SKOR2: variants seen among roughly 807,000 people sequenced by gnomAD.
SKOR2 encodes the protein LBX1 corepressor 1-like protein.
Under a neutral mutation model 69.1 loss-of-function variants are expected in SKOR2, and 47 were observed. The observed-to-expected ratio is 0.68, with a 90% CI of 0.54 to 0.87. The LOEUF is 0.87. SKOR2 is among the 40% of genes least tolerant of loss of function. The probability of loss-of-function intolerance (pLI) is 0.00; values close to 1 mark genes in which losing one functional copy is unlikely to be tolerated. For synonymous variants in SKOR2, 717 were observed against 672.6 expected, an observed-to-expected ratio of 1.07 and a Z score of -1.02; for missense variants, 1,404 against 1,472.2, an observed-to-expected ratio of 0.95 and a Z score of 0.76.
chr18:47,219,181 T>C (rs1440472653), intron 7 of SKOR2, among the ~76,000 whole-genome samples: 1 of 152,220 alleles, frequency 6.6e-6, no homozygotes, highest in African/African-American at 2.4e-5. Flanking sequence ...AGGATCAATA[T>C]GTGTTTTTAT....
At chr18:47,220,108 C>A in intron 6 of SKOR2, 98 bp from the exon 7 acceptor site, 2 of 979,900 alleles carry the variant, frequency 2.0e-6, no homozygotes, top group South Asian at 1.6e-5. Context: ...TGGACAGCCC[C>A]CCTACTTTTA....
intron 8 of SKOR2, among the ~76,000 whole-genome samples, chr18:47,209,728 G>T (rs946491987): frequency 6.6e-5 from 10 of 152,126 alleles, no homozygotes; most frequent in Non-Finnish European, 1.2e-4. Context: ...ATGGGCTCAG[G>T]TCTGACAAAC....
At chr18:47,210,650 C>T (rs2064125117) in intron 8 of SKOR2, among the ~76,000 whole-genome samples, 1 of 152,116 alleles carries the variant, frequency 6.6e-6, no homozygotes, top group Non-Finnish European at 1.5e-5. Context: ...GTCTACTACA[C>T]TGAGAAAGAA....
At chr18:47,220,264 A>G (rs2064157246) in intron 6 of SKOR2, among the ~76,000 whole-genome samples, 2 of 152,082 alleles carry the variant, frequency 1.3e-5, no homozygotes, top group Admixed American at 1.3e-4. Flanking sequence ...CTTGCATATG[A>G]TTACACAGAA....
intron 4 of SKOR2, among the ~76,000 whole-genome samples, chr18:47,234,991 T>C (rs1380761051): frequency 6.6e-6 from 1 of 151,808 alleles, no homozygotes; most frequent in Non-Finnish European, 1.5e-5. Context: ...TCTAAGACTG[T>C]AGAAAAAAAC....
chr18:47,221,852 C>T (rs190903863), intron 6 of SKOR2, among the ~76,000 whole-genome samples: 61 of 152,308 alleles, frequency 4.0e-4, no homozygotes, highest in Non-Finnish European at 6.8e-4. Flanking sequence ...GCCTGGCACA[C>T]GGCAGGGGCT....
chr18:47,231,039 A>T, intron 4 of SKOR2, 39 bp from the exon 5 acceptor site: 3 of 1,534,924 alleles, frequency 2.0e-6, no homozygotes, highest in Non-Finnish European at 2.6e-6. Context: ...AGTTTTGTGT[A>T]GGCTAGTTCT....
At chr18:47,235,797 A>C (rs1203430609) in intron 4 of SKOR2, among the ~76,000 whole-genome samples, 1 of 151,616 alleles carries the variant, frequency 6.6e-6, no homozygotes, top group South Asian at 2.1e-4. Flanking sequence ...AAAAAAAAAA[A>C]AAAACAGCCA....
At position 47,248,636 on chromosome 18, in the gene SKOR2, G is replaced by A; in HGVS notation, c.548C>T (p.Pro183Leu). 1 of 1,558,488 alleles carries A rather than the reference G, an allele frequency of 6.4e-7. No homozygotes were observed. The change falls in exon 2 of 9, where the codon CCC becomes CTC. Residue 183 changes from proline (P) to leucine (L), a missense_variant. By Grantham distance (98) the Pro-to-Leu change is moderately conservative (BLOSUM62 -3). Coordinates refer to ENST00000425639, the MANE Select transcript of SKOR2 (RefSeq NM_001278063.4). The surrounding 1 kb of genome is among the most constrained non-coding windows in gnomAD (Gnocchi z 6.4). ...GTGGGAGTGGAAAATGAACTTGTTGGGCGAGAAGTACATGTTGCAGTAGCT... is the reference window on the plus strand; with the variant it reads ...GTGGGAGTGGAAAATGAACTTGTTGAGCGAGAAGTACATGTTGCAGTAGCT... ...KCSYCNMYFS[P>L]NKFIFHSHRT...
intron 4 of SKOR2, among the ~76,000 whole-genome samples, chr18:47,238,210 A>T (rs1327324759): frequency 1.3e-5 from 2 of 152,156 alleles, no homozygotes; most frequent in African/African-American, 4.8e-5. Context: ...TTTTTAATAG[A>T]AGGAAAATGT....
At chr18:47,212,053 G>A in intron 8 of SKOR2, 33 bp downstream of exon 8, 3 of 1,230,806 alleles carry the variant, frequency 2.4e-6, no homozygotes, top group East Asian at 3.2e-5. Flanking sequence ...AATACAGAGA[G>A]TTAAGAAAAT....
chr18:47,234,670 G>C (rs1034795958), intron 4 of SKOR2: 4 of 152,020 alleles, frequency 2.6e-5, no homozygotes, highest in Non-Finnish European at 4.4e-5. Flanking sequence ...AGACCAGCCT[G>C]GCCAACATGG....
Position 47,234,995 on chromosome 18 carries a change from A to G in SKOR2, c.2753-3995T>C, listed in dbSNP as rs182891285. Among the ~76,000 whole-genome samples, 46 of 152,286 alleles carry G rather than the reference A, an allele frequency of 3.0e-4. No individual in the cohort carries two copies. The East Asian group carries it at 8.5e-3, about 28-fold the overall frequency. On this transcript the variant is annotated intron_variant, in intron 4 of 8. Transcript: ENST00000425639. ...CCTCAAACATATCTAAGACTGTAGAAAAAAACTGGTTTGAAGTTGGAGAGT... is the reference window on the plus strand; with the variant it reads ...CCTCAAACATATCTAAGACTGTAGAGAAAAACTGGTTTGAAGTTGGAGAGT...
chr18:47,221,014 C>A lies in SKOR2; in HGVS notation c.2918-1004G>T, dbSNP rs944761497. On this transcript the variant is annotated intron_variant, in intron 6 of 8. Coordinates refer to ENST00000425639, the MANE Select transcript of SKOR2 (RefSeq NM_001278063.4). ...CATCCCTGAATCATTTTCCGACTGACCACCTGCCACCAGTCCCTTTCTCTC... is the reference window on the plus strand; with the variant it reads ...CATCCCTGAATCATTTTCCGACTGAACACCTGCCACCAGTCCCTTTCTCTC... Among the ~76,000 whole-genome samples the A allele has an allele frequency of 3.9e-5, 6 of 152,276 alleles. No homozygotes were observed. In the East Asian group the frequency reaches 9.6e-4, roughly 24 times the overall value.
Position 47,214,707 on chromosome 18 carries a change from G to A in SKOR2, c.2986-2556C>T, listed in dbSNP as rs567003808. Among the ~76,000 whole-genome samples, 3 of 152,248 alleles carry A rather than the reference G, an allele frequency of 2.0e-5. No homozygotes were observed. The South Asian group carries it at 6.2e-4, about 32-fold the overall frequency. Reference sequence around the variant, plus strand: ...CTTTTACTTTATGATTCATCAAATAGTGGTGCCTCTTACAATTGATGGTGC... The same window carrying A: ...CTTTTACTTTATGATTCATCAAATAATGGTGCCTCTTACAATTGATGGTGC... On this transcript the variant is annotated intron_variant, in intron 7 of 8. Transcript: ENST00000425639.
intron 5 of SKOR2, 140 bp from the exon 6 acceptor site, chr18:47,230,697 T>C: frequency 1.5e-6 from 1 of 655,398 alleles, no homozygotes; most frequent in Non-Finnish European, 2.4e-6. Flanking sequence ...ATAGATTTTG[T>C]GCAGAAATCC....
chr18:47,238,554 C>T (rs2064235578), intron 4 of SKOR2, among the ~76,000 whole-genome samples: 1 of 151,964 alleles, frequency 6.6e-6, no homozygotes, highest in Non-Finnish European at 1.5e-5. Flanking sequence ...AACTCCTGAC[C>T]TCAGGCAATC....
rs2064292381 is a variant in SKOR2, at chr18:47,248,240, T to C, written c.944A>G (p.Asp315Gly). Reference protein sequence around the residue: ...HHKRPRFDDDDDSLQEAAVVA... With the variant: ...HHKRPRFDDDGDSLQEAAVVA... ...TACGGCGGCCTCCTGCAAGGAGTCG[T>C]CGTCGTCGTCGAAGCGCGGCCGCTT... The change falls in exon 2 of 9, where the codon GAC becomes GGC. Residue 315 changes from aspartate to glycine, a missense_variant. Asp to Gly is a moderately conservative substitution (Grantham distance 94). Transcript: ENST00000425639. This position sits in a 1 kb window ranked among gnomAD's most constrained non-coding sequence, Gnocchi z 6.4. The C allele has an allele frequency of 2.5e-6, 3 of 1,223,412 alleles. No individual in the cohort carries two copies. The highest frequency in any genetic ancestry group is 3.0e-6 in the Non-Finnish European group (3 of 984,316). The allele number at this position is 1,223,412 out of a possible 1,614,324, so 75.8% of individuals were successfully genotyped here. A position where few individuals can be genotyped will look rare whatever the true frequency, so the allele number is the denominator to read the frequency against.
chr18:47,248,308 C>A lies in SKOR2; in HGVS notation c.876G>T (p.Pro292=). The change falls in exon 2 of 9, where the codon CCG becomes CCT. Residue 292 remains proline, a synonymous_variant. Coordinates refer to ENST00000425639, the MANE Select transcript of SKOR2 (RefSeq NM_001278063.4). The surrounding 1 kb of genome is among the most constrained non-coding windows in gnomAD (Gnocchi z 6.4). ...CACCAGCCAGCTCTGCCAAGGGCGG[C>A]GGTGGCGGCGGCGGCGGCGGGGGCG... ...LGAPPPPPPP[P]PPLAELAGAP... 8.3e-7 allele frequency: 1 copy of A among 1,204,854 alleles called. No homozygotes were observed. Among genetic ancestry groups the A allele is most frequent in the Non-Finnish European group, 1.0e-6 (1 of 973,094 alleles). The allele number at this position is 1,204,854 out of a possible 1,614,324, so 74.6% of individuals were successfully genotyped here. A position where few individuals can be genotyped will look rare whatever the true frequency, so the allele number is the denominator to read the frequency against.
Sources: allele counts gnomAD v4.1 joint callset (sites outside exome capture counted in the v4.1 genomes callset), GRCh38; gene constraint gnomAD v4.1.1; non-coding constraint Gnocchi (gnomAD v3.1); transcripts MANE v1.5; gene names NCBI Gene and HGNC (gene_info 2026-07-23, HGNC 2026-07-21).